AGBL1: variants seen among roughly 807,000 people sequenced by gnomAD.
The protein encoded by AGBL1 is AGBL carboxypeptidase 1.
AGBL1 carries 130 observed loss-of-function variants against 118.9 expected under a neutral mutation model. The observed-to-expected ratio is 1.09, with a 90% CI of 0.95 to 1.26. The LOEUF (loss-of-function observed/expected upper bound fraction) is 1.26, where lower values mean the gene tolerates loss of function less well. Among genes scored for constraint, AGBL1 ranks in the 50% most tolerant of loss-of-function variants. The probability of loss-of-function intolerance (pLI) is 0.00; values close to 1 mark genes in which losing one functional copy is unlikely to be tolerated. For missense variants in AGBL1, 1,584 were observed against 1,298.1 expected (o/e 1.22, Z -3.38); for synonymous variants, 555 against 478.9 (o/e 1.16, Z -2.08).
At chr15:86,225,846 C>T (rs1005914850) in intron 6 of AGBL1, among the ~76,000 whole-genome samples, 3 of 152,132 alleles carry the variant, frequency 2.0e-5, no homozygotes, top group African/African-American at 7.2e-5. Context: ...TCTCTCCCCC[C>T]ATCCATACAT....
intron 23 of AGBL1, among the ~76,000 whole-genome samples, chr15:86,955,563 T>G (rs2080920990): frequency 6.6e-6 from 1 of 151,994 alleles, no homozygotes; most frequent in South Asian, 2.1e-4. Context: ...AACTACAGCT[T>G]GGTTTACAAA....
At chr15:86,389,706 A>G (rs991308519) in intron 17 of AGBL1, among the ~76,000 whole-genome samples, 2 of 152,182 alleles carry the variant, frequency 1.3e-5, no homozygotes, top group Non-Finnish European at 2.9e-5. Flanking sequence ...AGTAGATTAT[A>G]TTATACTATA....
At chr15:86,832,666 C>A (rs2079121617) in intron 22 of AGBL1, among the ~76,000 whole-genome samples, 1 of 152,190 alleles carries the variant, frequency 6.6e-6, no homozygotes, top group Admixed American at 6.5e-5. Context: ...CTTTGTTGCC[C>A]ATATCACTGT....
chr15:86,530,551 G>A (rs888660355), intron 19 of AGBL1, among the ~76,000 whole-genome samples: 5 of 143,984 alleles, frequency 3.5e-5, no homozygotes, highest in African/African-American at 1.3e-4. Context: ...ACAGATCAAT[G>A]AGACAGAAAG....
Position 86,822,914 on chromosome 15 carries a change from T to C in AGBL1, c.3159-84173T>C, listed in dbSNP as rs144213219. On this transcript the variant is annotated intron_variant, in intron 22 of 22. Transcript: ENST00000614907. ...GGCAGGATTTATGGTAAGTACATGC[T>C]CTTACACAAGGAAGAGTAGATGATA... Among the ~76,000 whole-genome samples, 652 of 152,238 alleles carry C rather than the reference T, an allele frequency of 4.3e-3. 4 individuals are homozygous for C. Among genetic ancestry groups the C allele is most frequent in the South Asian group, 0.02 (96 of 4,822 alleles).
chr15:86,700,131 A>T (rs1034746189), intron 22 of AGBL1, among the ~76,000 whole-genome samples: 1 of 151,680 alleles, frequency 6.6e-6, no homozygotes, highest in Non-Finnish European at 1.5e-5. Flanking sequence ...ACAATTCATT[A>T]TTTTATTTAG....
chr15:86,862,042 G>A (rs1387639972), intron 22 of AGBL1, among the ~76,000 whole-genome samples: 1 of 152,086 alleles, frequency 6.6e-6, no homozygotes, highest in Non-Finnish European at 1.5e-5. Context: ...TTCTGCTTGT[G>A]TACTCTTGTC....
intron 22 of AGBL1, among the ~76,000 whole-genome samples, chr15:86,818,561 C>G (rs566289665): frequency 2.0e-5 from 3 of 152,010 alleles, no homozygotes; most frequent in African/African-American, 7.3e-5. Context: ...CAAAGCAGGT[C>G]CTGATGCCAA....
chr15:86,553,534 G>T (rs1309311305), intron 20 of AGBL1, among the ~76,000 whole-genome samples: 1 of 152,132 alleles, frequency 6.6e-6, no homozygotes, highest in Non-Finnish European at 1.5e-5. Flanking sequence ...GATCATTCTG[G>T]CAATTATATA....
At chr15:86,620,149 G>T (rs950155374) in intron 21 of AGBL1, among the ~76,000 whole-genome samples, 1 of 152,130 alleles carries the variant, frequency 6.6e-6, no homozygotes, top group South Asian at 2.1e-4. Flanking sequence ...GTGGTGTCAG[G>T]TACGATTCCC....
chr15:86,994,014 A>C (rs190163655), intron 24 of AGBL1, among the ~76,000 whole-genome samples: 8 of 152,246 alleles, frequency 5.3e-5, no homozygotes, highest in Non-Finnish European at 8.8e-5. Flanking sequence ...TCGACGTCAC[A>C]ACGCTTCATT....
intron 18 of AGBL1, among the ~76,000 whole-genome samples, chr15:86,444,620 C>T (rs2082100318): frequency 6.6e-6 from 1 of 152,128 alleles, no homozygotes; most frequent in Non-Finnish European, 1.5e-5. Flanking sequence ...GGAGCATTGT[C>T]CATGCAGCAA....
chr15:86,230,616 TC>T (rs985678112), intron 6 of AGBL1, among the ~76,000 whole-genome samples: 2 of 152,236 alleles, frequency 1.3e-5, no homozygotes, highest in Non-Finnish European at 2.9e-5. Context: ...TCCTTTAGTT[TC>T]CAGATGAGGG....
At position 86,261,580 on chromosome 15, in the gene AGBL1, T is replaced by C. The variant is rs983443596; in HGVS notation, c.970-1198T>C. Among the ~76,000 whole-genome samples, 7 of 152,172 alleles carry C rather than the reference T, an allele frequency of 4.6e-5. No individual in the cohort carries two copies. In the East Asian group the frequency reaches 1.3e-3, roughly 29 times the overall value. ...CCTTTCAGTACTGCCAGGTTTTTCC[T>C]TAACTAATGAAATATACTTGTAAAA... On this transcript the variant is annotated intron_variant, in intron 9 of 22. Coordinates refer to ENST00000614907, the MANE Select transcript of AGBL1 (RefSeq NM_001386094.1).
At chr15:86,816,531 C>T (rs573444756) in intron 22 of AGBL1, among the ~76,000 whole-genome samples, 21 of 152,190 alleles carry the variant, frequency 1.4e-4, no homozygotes, top group East Asian at 5.8e-4. Context: ...CTGGAAGTTT[C>T]GCTGTTAAGA....
intron 21 of AGBL1, among the ~76,000 whole-genome samples, chr15:86,628,151 T>C (rs2084915319): frequency 6.6e-6 from 1 of 152,170 alleles, no homozygotes; most frequent in Non-Finnish European, 1.5e-5. Context: ...CCTGTGGGTT[T>C]GTTACATAGC....
chr15:86,090,834 T>C (rs920335822), intron 1 of AGBL1, among the ~76,000 whole-genome samples: 3 of 152,168 alleles, frequency 2.0e-5, no homozygotes, highest in African/African-American at 4.8e-5. Flanking sequence ...TTTTCTTATA[T>C]CTTGTTGCTT....
chr15:86,259,040 GAT>G (rs1318265499), intron 9 of AGBL1, among the ~76,000 whole-genome samples: 1 of 152,184 alleles, frequency 6.6e-6, no homozygotes, highest in East Asian at 1.9e-4. Flanking sequence ...TAAGCAGTGG[GAT>G]ATAGTTTACT....
chr15:86,230,848 A>G (rs2141948409), intron 6 of AGBL1, among the ~76,000 whole-genome samples: 1 of 152,322 alleles, frequency 6.6e-6, no homozygotes, highest in East Asian at 1.9e-4. Context: ...TAGAGAGCTC[A>G]GAGTCACGTC....
Sources: gnomAD v4.1 joint callset for allele counts (sites outside exome capture counted in the v4.1 genomes callset) on GRCh38, gnomAD v4.1.1 for gene constraint, MANE v1.5 for transcripts, NCBI Gene and HGNC (gene_info 2026-07-23, HGNC 2026-07-21) for gene names.